The following NAT1 variants were observed in gnomAD, a reference collection of about 807,000 sequenced individuals.
The protein encoded by NAT1 is arylamine N-acetyltransferase 1.
For synonymous variants in NAT1, 144 were observed against 122.6 expected (o/e 1.17, Z -1.16); for missense variants, 400 against 339.2 (o/e 1.18, Z -1.41).
chr8:18,192,987 T>C (rs1803065757), intron 2 of NAT1, among the ~76,000 whole-genome samples: 1 of 148,736 alleles, frequency 6.7e-6, no homozygotes, highest in Non-Finnish European at 1.5e-5. Flanking sequence ...ACTTAAAGTA[T>C]AATAATAATA....
chr8:18,186,623 T>A (rs910430724), intron 2 of NAT1, among the ~76,000 whole-genome samples: 6 of 152,192 alleles, frequency 3.9e-5, no homozygotes, highest in African/African-American at 1.4e-4. Flanking sequence ...TTCCCATATG[T>A]ACTTGATTCA....
chr8:18,187,457 T>A (rs1476711815), intron 2 of NAT1, among the ~76,000 whole-genome samples: 3 of 152,202 alleles, frequency 2.0e-5, no homozygotes, highest in Non-Finnish European at 4.4e-5. Context: ...TAAATGCCCA[T>A]CAATGGCGGA....
intron 2 of NAT1, among the ~76,000 whole-genome samples, chr8:18,195,001 G>A (rs1330193719): frequency 2.6e-5 from 4 of 152,108 alleles, no homozygotes; most frequent in South Asian, 2.1e-4. Context: ...TCACTAATAC[G>A]TCATCCAAAT....
chr8:18,211,053 C>T (rs1459239637), intron 1 of NAT1: 1 of 152,456 alleles, frequency 6.6e-6, no homozygotes, highest in Non-Finnish European at 1.5e-5. Context: ...GATCCACCTG[C>T]CTCGGCCTCC....
At chr8:18,221,602 G>A (rs1343572565) in intron 2 of NAT1, among the ~76,000 whole-genome samples, 3 of 152,242 alleles carry the variant, frequency 2.0e-5, no homozygotes, top group East Asian at 1.9e-4. Flanking sequence ...TTCTTTGAGC[G>A]GGAAACTTTG....
chr8:18,208,234 C>G (rs550033381), upstream of NAT1, among the ~76,000 whole-genome samples: 1 of 152,010 alleles, frequency 6.6e-6, no homozygotes, highest in South Asian at 2.1e-4. Context: ...CACACATTGA[C>G]CTACGTAATA....
At chr8:18,192,310 G>T (rs1417099683) in intron 2 of NAT1, among the ~76,000 whole-genome samples, 2 of 152,200 alleles carry the variant, frequency 1.3e-5, no homozygotes, top group Non-Finnish European at 2.9e-5. Context: ...ACACCAGTTA[G>T]AATGGCGATC....
In NAT1 at chr8:18,170,563, G is replaced by A. The variant is rs1310720643; in HGVS notation, n.31+56G>A. 2.0e-5 allele frequency: 3 copies of A among 152,164 alleles called. 1 individual carries two copies. The highest frequency in any genetic ancestry group is 4.8e-5 in the African/African-American group (2 of 41,446). 9.4% of individuals were successfully genotyped at this position (152,164 alleles called of 1,614,324 possible). Reference sequence around the variant, plus strand: ...GGTTATAAATGTAGCTCACCTCATCGGAGGTGGGGGCATTCTGAACCATCT... The same window carrying A: ...GGTTATAAATGTAGCTCACCTCATCAGAGGTGGGGGCATTCTGAACCATCT... On this transcript the variant is annotated intron_variant and non_coding_transcript_variant, in intron 1 of 4. Transcript: ENST00000517441.
At position 18,193,491 on chromosome 8, in the gene NAT1, G is replaced by GAT. The variant is rs142473962; in HGVS notation, n.93-16276_93-16275dup. The stretch of plus-strand genomic sequence containing the variant: ...ATTTATATATATATGTATATAATCT[G>GAT]ATATATATATATATAATATATATAT... On this transcript the variant is annotated intron_variant and non_coding_transcript_variant, in intron 2 of 4. Transcript: ENST00000517441. Among the ~76,000 whole-genome samples, 947 of 102,780 alleles carry GAT rather than the reference G, an allele frequency of 9.2e-3. 6 individuals carry two copies. The highest frequency in any genetic ancestry group is 0.02 in the African/African-American group (741 of 36,350). 67.4% of individuals were successfully genotyped at this position (102,780 alleles called of 152,430 possible). A position where few individuals can be genotyped will look rare whatever the true frequency, so the allele number is the denominator to read the frequency against.
At chr8:18,207,565 G>A (rs554306003), upstream of NAT1, among the ~76,000 whole-genome samples, 1 of 152,274 alleles carries the variant, frequency 6.6e-6, no homozygotes, top group South Asian at 2.1e-4. Context: ...ACCACAGTGA[G>A]ATACCATCTC....
chr8:18,211,822 AG>A (rs1018564873), intron 1 of NAT1, among the ~76,000 whole-genome samples: 17 of 151,146 alleles, frequency 1.1e-4, no homozygotes, highest in Non-Finnish European at 2.5e-4. Flanking sequence ...GGAAAAGAAA[AG>A]AAAAGAAAAG....
At chr8:18,216,855 C>T (rs1304109971) in intron 1 of NAT1, 2 of 1,445,708 alleles carry the variant, frequency 1.4e-6, no homozygotes, top group East Asian at 2.5e-5. Context: ...CTCATAAGAA[C>T]TCATAATTAT....
intron 2 of NAT1, among the ~76,000 whole-genome samples, chr8:18,171,836 G>A (rs1277672645): frequency 2.0e-5 from 3 of 152,184 alleles, no homozygotes; most frequent in African/African-American, 7.2e-5. Flanking sequence ...AGACCCAGTA[G>A]CTAAGCCATA....
intron 2 of NAT1, among the ~76,000 whole-genome samples, chr8:18,186,819 C>G (rs916584145): frequency 2.6e-5 from 4 of 152,084 alleles, no homozygotes; most frequent in Non-Finnish European, 5.9e-5. Flanking sequence ...ATCTAAAGAG[C>G]TTTCGCACAG....
At chr8:18,196,425 C>A (rs536595248) in intron 2 of NAT1, among the ~76,000 whole-genome samples, 10 of 151,956 alleles carry the variant, frequency 6.6e-5, no homozygotes, top group Middle Eastern at 3.4e-3. Context: ...ATAAGTTGTG[C>A]CTCTATAAAA....
At position 18,223,688 on chromosome 8, in the gene NAT1, C is replaced by G. The variant is rs76801676; in HGVS notation, c.*768C>G. 25 of 160,858 alleles carry G rather than the reference C, an allele frequency of 1.6e-4. No homozygotes were observed. Among genetic ancestry groups the G allele is most frequent in the Admixed American group, 2.0e-4 (3 of 15,194 alleles). 10.0% of individuals were successfully genotyped at this position (160,858 alleles called of 1,614,324 possible). A position where few individuals can be genotyped will look rare whatever the true frequency, so the allele number is the denominator to read the frequency against. On this transcript the variant is annotated 3_prime_UTR_variant, in exon 3 of 3. Coordinates refer to ENST00000307719, the MANE Select transcript of NAT1 (RefSeq NM_000662.8). ...TATTGTTCCATCTTGCTTGCCCCCC[C>G]ACCCCTGTCATCTGCCTGCTTCTTT... is the stretch of plus-strand genomic sequence containing the variant.
intron 2 of NAT1, among the ~76,000 whole-genome samples, chr8:18,204,013 G>C (rs1803591515): frequency 6.6e-6 from 1 of 152,126 alleles, no homozygotes; most frequent in Non-Finnish European, 1.5e-5. Context: ...AAGAAAATTA[G>C]GGTGGGGCAA....
chr8:18,177,069 T>C (rs780461576), intron 2 of NAT1, among the ~76,000 whole-genome samples: 3 of 152,104 alleles, frequency 2.0e-5, no homozygotes, highest in Non-Finnish European at 4.4e-5. Flanking sequence ...ATTTTATAAC[T>C]TGCATCTTAT....
rs201966727 is a variant in NAT1, at chr8:18,180,413, GAGAAACAA to G, written n.92+9686_92+9693del. ...TGAAGCCTATAGTGGATTTGGGAAG[GAGAAACAA>G]AGAAACAAAGATCTATTGAGCACCT... On this transcript the variant is annotated intron_variant and non_coding_transcript_variant, in intron 2 of 4. Transcript: ENST00000517441. Among the ~76,000 whole-genome samples, 1,486 of 152,194 alleles carry G rather than the reference GAGAAACAA, an allele frequency of 9.8e-3. 17 individuals carry two copies. Among genetic ancestry groups the G allele is most frequent in the African/African-American group, 0.034 (1,402 of 41,524 alleles).
Sources: allele counts gnomAD v4.1 joint callset (sites outside exome capture counted in the v4.1 genomes callset), GRCh38; gene constraint gnomAD v4.1.1; transcripts MANE v1.5; gene names NCBI Gene and HGNC (gene_info 2026-07-23, HGNC 2026-07-21).